Variants in NUBPL observed in about 807,000 individuals in gnomAD.
NUBPL encodes iron-sulfur cluster transfer protein NUBPL.
NUBPL carries 31 observed loss-of-function variants against 45.7 expected under a neutral mutation model. The ratio of observed to expected loss-of-function variants is 0.68; its 90% CI spans 0.51 to 0.92. The LOEUF is 0.92. Among genes scored for constraint, NUBPL ranks in the 40% least tolerant of loss-of-function variants. The pLI, the probability that NUBPL is intolerant of heterozygous loss-of-function variation, is 0.00. For synonymous variants in NUBPL, 144 were observed against 140.9 expected, an observed-to-expected ratio of 1.02 and a Z score of -0.15; for missense variants, 401 against 398.7, an observed-to-expected ratio of 1.01 and a Z score of -0.05.
At chr14:31,812,331 C>G (rs1470028991) in intron 7 of NUBPL, among the ~76,000 whole-genome samples, 1 of 152,226 alleles carries the variant, frequency 6.6e-6, no homozygotes, top group East Asian at 1.9e-4. Flanking sequence ...TGTTTACCTA[C>G]TCAATCCTCA....
intron 10 of NUBPL, among the ~76,000 whole-genome samples, chr14:31,857,147 T>G (rs779125766): frequency 6.6e-6 from 1 of 152,204 alleles, no homozygotes; most frequent in Non-Finnish European, 1.5e-5. Context: ...TCTTGATTTC[T>G]GTGCACCCAC....
In NUBPL at chr14:31,561,486, G is replaced by C. The variant is rs745915744; in HGVS notation, c.47G>C (p.Arg16Pro). 13 of 1,403,480 alleles carry C rather than the reference G, an allele frequency of 9.3e-6. No homozygotes were observed. In the South Asian group the frequency reaches 2.2e-4, roughly 23 times the overall value. 86.9% of individuals were successfully genotyped at this position (1,403,480 alleles called of 1,614,324 possible). A position where few individuals can be genotyped will look rare whatever the true frequency, so the allele number is the denominator to read the frequency against. ...RLLLFGGVSL[R>P]AGGGATAPLG... ...CTGCTTTTTGGTGGGGTGTCGCTCC[G>C]GGCTGGTGGCGGGGCCACTGCCCCG... Residue 16 changes from arginine to proline, a missense_variant, in exon 1 of 11, where the codon CGG (arginine) becomes CCG (proline). Coordinates refer to ENST00000281081, the MANE Select transcript of NUBPL (RefSeq NM_025152.3).
intron 7 of NUBPL, among the ~76,000 whole-genome samples, chr14:31,806,806 G>A (rs1480225148): frequency 6.6e-6 from 1 of 152,136 alleles, no homozygotes; most frequent in Non-Finnish European, 1.5e-5. Context: ...GGTATGTGAT[G>A]TTCCCCACCC....
At chr14:31,728,231 T>G (rs1056337147) in intron 6 of NUBPL, among the ~76,000 whole-genome samples, 1 of 152,064 alleles carries the variant, frequency 6.6e-6, no homozygotes, top group African/African-American at 2.4e-5. Flanking sequence ...TTATTTCCCA[T>G]AAACCCAAGT....
chr14:31,563,736 G>A (rs1405859654), intron 2 of NUBPL, among the ~76,000 whole-genome samples: 1 of 152,160 alleles, frequency 6.6e-6, no homozygotes, highest in Non-Finnish European at 1.5e-5. Context: ...TGATTCTATT[G>A]TTTAAATGTA....
chr14:31,640,380 A>C (rs763375096), intron 4 of NUBPL, among the ~76,000 whole-genome samples: 1 of 152,162 alleles, frequency 6.6e-6, no homozygotes, highest in African/African-American at 2.4e-5. Context: ...TGGGTGGATC[A>C]CTTGAGGGCA....
At chr14:31,585,101 A>G (rs888196416) in intron 3 of NUBPL, among the ~76,000 whole-genome samples, 1 of 151,856 alleles carries the variant, frequency 6.6e-6, no homozygotes, top group Non-Finnish European at 1.5e-5. Flanking sequence ...GGTTTCTTTC[A>G]CTCAGCATGT....
At chr14:31,760,447 C>T (rs2038782228) in intron 6 of NUBPL, among the ~76,000 whole-genome samples, 1 of 152,144 alleles carries the variant, frequency 6.6e-6, no homozygotes, top group African/African-American at 2.4e-5. Context: ...GCCACTGCAC[C>T]TGGCCTTACT....
chr14:31,776,320 A>G (rs1405579492), intron 6 of NUBPL, among the ~76,000 whole-genome samples: 1 of 152,196 alleles, frequency 6.6e-6, no homozygotes, highest in Non-Finnish European at 1.5e-5. Flanking sequence ...TGGCTCCTTT[A>G]CAAGAGAACT....
Position 31,683,445 on chromosome 14 carries a change from G to A in NUBPL, c.513+9871G>A, listed in dbSNP as rs545392689. 9.2e-5 allele frequency among the ~76,000 whole-genome samples: 12 copies of A among 130,502 alleles called. No individual in the cohort carries two copies. The East Asian group carries it at 9.7e-4, about 11-fold the overall frequency. The allele number at this position is 130,502 out of a possible 152,430, so 85.6% of individuals were successfully genotyped here. A position where few individuals can be genotyped will look rare whatever the true frequency, so the allele number is the denominator to read the frequency against. On this transcript the variant is annotated intron_variant, in intron 6 of 10. Transcript: ENST00000281081. ...ATAATCTAGGCTCACTGCAACTTCC[G>A]CCTCCTTGGTTCAAGCAGTTCTCCT...
At chr14:31,566,518 C>A (rs559596982) in intron 3 of NUBPL, among the ~76,000 whole-genome samples, 1 of 151,932 alleles carries the variant, frequency 6.6e-6, no homozygotes, top group Admixed American at 6.6e-5. Context: ...CCCATCTTAT[C>A]CTCTTTCTTG....
chr14:31,646,736 A>G lies in NUBPL; in HGVS notation c.383-26619A>G, dbSNP rs542150693. On this transcript the variant is annotated intron_variant, in intron 4 of 10. Coordinates refer to ENST00000281081, the MANE Select transcript of NUBPL (RefSeq NM_025152.3). ...TTGGTGTTCTCTGATCTTCCTGAAC[A>G]TGGATATTTATATCTTTGTAGCATT... Among the ~76,000 whole-genome samples the G allele has an allele frequency of 3.3e-5, 5 of 152,172 alleles. No individual in the cohort carries two copies. The South Asian group carries it at 1.0e-3, about 32-fold the overall frequency.
chr14:31,820,820 G>T (rs868031832), intron 7 of NUBPL, among the ~76,000 whole-genome samples: 1 of 127,244 alleles, frequency 7.9e-6, no homozygotes, highest in African/African-American at 3.1e-5. Context: ...GCAAGACTCC[G>T]TCTCAAAAAA....
intron 6 of NUBPL, among the ~76,000 whole-genome samples, chr14:31,746,106 A>G (rs77260404): frequency 0.087 from 13,196 of 152,088 alleles, 806 homozygotes; most frequent in African/African-American, 0.15. Flanking sequence ...GGTTTTCTGT[A>G]TAGAAAGTCA....
chr14:31,737,669 G>A (rs532297344), intron 6 of NUBPL, among the ~76,000 whole-genome samples: 20 of 152,164 alleles, frequency 1.3e-4, no homozygotes, highest in East Asian at 3.9e-4. Context: ...CTATTGTTCC[G>A]TCTACTCCGG....
intron 6 of NUBPL, among the ~76,000 whole-genome samples, chr14:31,710,345 C>T (rs2037542605): frequency 6.6e-6 from 1 of 152,122 alleles, no homozygotes; most frequent in Admixed American, 6.5e-5. Flanking sequence ...ACCGATGCAG[C>T]AGCAGAAACA....
At chr14:31,709,785 G>A (rs893039303) in intron 6 of NUBPL, among the ~76,000 whole-genome samples, 3 of 152,166 alleles carry the variant, frequency 2.0e-5, no homozygotes, top group African/African-American at 7.2e-5. Context: ...GGACATAACC[G>A]ATAGCCCAGG....
At chr14:31,787,688 T>C (rs1240852366) in intron 6 of NUBPL, 92 bp from the exon 7 acceptor site, 2 of 867,728 alleles carry the variant, frequency 2.3e-6, no homozygotes, top group Admixed American at 1.8e-5. Flanking sequence ...ATAGCTATGA[T>C]TTTATATTTG....
At chr14:31,680,432 A>G (rs1402155273) in intron 6 of NUBPL, among the ~76,000 whole-genome samples, 1 of 152,126 alleles carries the variant, frequency 6.6e-6, no homozygotes, top group Non-Finnish European at 1.5e-5. Context: ...ATTGTTAATC[A>G]TAAATGTTGA....
Sources: gnomAD v4.1 joint callset for allele counts (sites outside exome capture counted in the v4.1 genomes callset) on GRCh38, gnomAD v4.1.1 for gene constraint, MANE v1.5 for transcripts, NCBI Gene and HGNC (gene_info 2026-07-23, HGNC 2026-07-21) for gene names.